RAB27A: variants seen among roughly 807,000 people sequenced by gnomAD.
The protein encoded by RAB27A is RAB27A, member RAS oncogene family.
In RAB27A, 17 loss-of-function variants were observed where a neutral mutation model predicts 20.8. The observed-to-expected ratio is 0.82, with a 90% CI of 0.56 to 1.23. RAB27A has a LOEUF of 1.23. RAB27A is among the 50% of genes most tolerant of loss of function. The pLI, the probability that RAB27A is intolerant of heterozygous loss-of-function variation, is 0.00. For synonymous variants in RAB27A, 85 were observed against 92.8 expected, an observed-to-expected ratio of 0.92 and a Z score of 0.48; for missense variants, 277 against 266.7, an observed-to-expected ratio of 1.04 and a Z score of -0.27.
chr15:55,206,265 C>G, intron 6 of RAB27A: 2 of 712,966 alleles, frequency 2.8e-6, no homozygotes, highest in Non-Finnish European at 3.4e-6. Context: ...GCAATACATA[C>G]TGATTTACTG....
chr15:55,215,228 ATT>A (rs1895224135), intron 6 of RAB27A, among the ~76,000 whole-genome samples: 1 of 152,166 alleles, frequency 6.6e-6, no homozygotes, highest in Non-Finnish European at 1.5e-5. Flanking sequence ...TGATTCCTTA[ATT>A]TTCCTCCACA....
intron 2 of RAB27A, among the ~76,000 whole-genome samples, chr15:55,310,729 A>G (rs1317910739): frequency 6.6e-6 from 1 of 152,148 alleles, no homozygotes; most frequent in African/African-American, 2.4e-5. Flanking sequence ...GCCAAGTTCA[A>G]TAGGTTTTCT....
At chr15:55,247,615 A>T (rs1460864675) in intron 2 of RAB27A, among the ~76,000 whole-genome samples, 1 of 152,160 alleles carries the variant, frequency 6.6e-6, no homozygotes, top group African/African-American at 2.4e-5. Context: ...TCTGTTAGGG[A>T]AATGCACCAA....
intron 6 of RAB27A, among the ~76,000 whole-genome samples, chr15:55,210,200 C>CATACACACATGTATGTGTATGTATAT (rs1894943888): frequency 8.4e-6 from 1 of 118,344 alleles, no homozygotes; most frequent in Non-Finnish European, 1.7e-5. Context: ...TGTGTGTATA[C>CATACACACATGTATGTGTATGTATAT]ATACACACAT....
At chr15:55,289,546 A>T (rs1017117797) in intron 1 of RAB27A, among the ~76,000 whole-genome samples, 170 bp downstream of exon 1, 2 of 152,114 alleles carry the variant, frequency 1.3e-5, no homozygotes, top group African/African-American at 4.8e-5. Flanking sequence ...GTCTGCGCTG[A>T]GGGCCTGGGA....
intron 2 of RAB27A, among the ~76,000 whole-genome samples, chr15:55,241,039 T>C (rs61585844): frequency 0.056 from 8,532 of 152,272 alleles, 829 homozygotes; most frequent in African/African-American, 0.2. Flanking sequence ...CATAGTAAGT[T>C]CTATGTAAGT....
chr15:55,262,911 G>C (rs1403712320), intron 2 of RAB27A, among the ~76,000 whole-genome samples: 1 of 152,114 alleles, frequency 6.6e-6, no homozygotes, highest in African/African-American at 2.4e-5. Flanking sequence ...ATTTGCTGTA[G>C]ATTTTTGGTA....
intron 2 of RAB27A, among the ~76,000 whole-genome samples, chr15:55,298,733 C>T (rs557102419): frequency 2.0e-5 from 3 of 152,132 alleles, no homozygotes; most frequent in Non-Finnish European, 4.4e-5. Context: ...AGTCTACAGG[C>T]CATAAAAGAT....
intron 4 of RAB27A, among the ~76,000 whole-genome samples, chr15:55,229,771 G>A (rs529508955): frequency 7.2e-5 from 11 of 152,242 alleles, no homozygotes; most frequent in African/African-American, 2.6e-4. Context: ...ATATGGTAAG[G>A]GGGTGGGGTG....
intron 1 of RAB27A, among the ~76,000 whole-genome samples, chr15:55,285,500 A>G (rs1224065111): frequency 6.6e-6 from 1 of 152,178 alleles, no homozygotes; most frequent in African/African-American, 2.4e-5. Flanking sequence ...CCCTACGAAC[A>G]TAAGTAAATT....
At chr15:55,257,791 G>A (rs567536588) in intron 2 of RAB27A, among the ~76,000 whole-genome samples, 13 of 152,244 alleles carry the variant, frequency 8.5e-5, no homozygotes, top group Admixed American at 6.5e-5. Flanking sequence ...TCAAGAGATC[G>A]AGACCAGCCT....
At chr15:55,303,653 G>A (rs1414603255) in intron 2 of RAB27A, among the ~76,000 whole-genome samples, 1 of 113,838 alleles carries the variant, frequency 8.8e-6, no homozygotes, top group Non-Finnish European at 1.9e-5. Flanking sequence ...CGTCCGGGAG[G>A]GAGGTGGGGG....
In RAB27A at chr15:55,222,642, C is replaced by G. The variant is rs142127867; in HGVS notation, c.467+1247G>C. On this transcript the variant is annotated intron_variant, in intron 6 of 6. Transcript: ENST00000336787. Reference sequence around the variant, plus strand: ...CTCCCCCTCCCTTCCCACTATAAACCCTACCAGCTTTCTGAACCTCCATCA... The same window carrying G: ...CTCCCCCTCCCTTCCCACTATAAACGCTACCAGCTTTCTGAACCTCCATCA... Among the ~76,000 whole-genome samples the G allele has an allele frequency of 4.1e-3, 618 of 152,226 alleles. 8 individuals are homozygous for G. Among genetic ancestry groups the G allele is most frequent in the African/African-American group, 0.014 (587 of 41,540 alleles).
chr15:55,228,786 T>A lies in RAB27A; in HGVS notation c.240-74A>T. 3 of 1,012,340 alleles carry A rather than the reference T, an allele frequency of 3.0e-6. No individual in the cohort carries two copies. The South Asian group carries it at 3.8e-5, about 13-fold the overall frequency. The allele number at this position is 1,012,340 out of a possible 1,614,324, so 62.7% of individuals were successfully genotyped here. Reference sequence around the variant, plus strand: ...GAAATATAAAACTACAAGCAATGCCTTCAGCCTCTTACAAAAGTTTACCAA... The same window carrying A: ...GAAATATAAAACTACAAGCAATGCCATCAGCCTCTTACAAAAGTTTACCAA... On this transcript the variant is annotated intron_variant, in intron 4 of 6. Transcript: ENST00000336787.
intron 2 of RAB27A, among the ~76,000 whole-genome samples, chr15:55,241,246 G>C: frequency 6.6e-6 from 1 of 152,118 alleles, no homozygotes. Flanking sequence ...CTTGAGAAAA[G>C]TGCTGTCTAC....
chr15:55,279,507 A>G (rs1182229327), intron 1 of RAB27A, among the ~76,000 whole-genome samples: 1 of 152,232 alleles, frequency 6.6e-6, no homozygotes, highest in Non-Finnish European at 1.5e-5. Context: ...CTAGGGAGAC[A>G]ACAGATGGCA....
chr15:55,227,830 G>A (rs1333109465), intron 5 of RAB27A, among the ~76,000 whole-genome samples: 1 of 152,196 alleles, frequency 6.6e-6, no homozygotes, highest in African/African-American at 2.4e-5. Flanking sequence ...TAATGTTTAA[G>A]TAGCAGATCT....
intron 2 of RAB27A, among the ~76,000 whole-genome samples, chr15:55,257,157 T>A (rs1275959875): frequency 6.6e-6 from 1 of 151,538 alleles, no homozygotes; most frequent in African/African-American, 2.4e-5. Flanking sequence ...AGGGAAAGAG[T>A]TGGAATGGGC....
At chr15:55,212,987 T>G (rs1342727119) in intron 6 of RAB27A, among the ~76,000 whole-genome samples, 1 of 152,234 alleles carries the variant, frequency 6.6e-6, no homozygotes, top group African/African-American at 2.4e-5. Context: ...TTTATACATT[T>G]GAGATGGTCT....
Sources: gnomAD v4.1 joint callset for allele counts (sites outside exome capture counted in the v4.1 genomes callset) on GRCh38, gnomAD v4.1.1 for gene constraint, MANE v1.5 for transcripts, NCBI Gene and HGNC (gene_info 2026-07-23, HGNC 2026-07-21) for gene names.